The following ARMC2 variants were observed in gnomAD, a reference collection of about 807,000 sequenced individuals.
ARMC2 encodes the protein armadillo repeat containing 2, also known as armadillo repeat-containing protein 2.
In ARMC2, 67 loss-of-function variants were observed where a neutral mutation model predicts 90.3. The observed-to-expected ratio is 0.74, with a 90% CI of 0.61 to 0.91. The LOEUF is 0.91. ARMC2 is among the 40% of genes least tolerant of loss of function. The pLI is 0.00. For synonymous variants in ARMC2, 393 were observed against 393.0 expected (o/e 1.00, Z 0.00); for missense variants, 920 against 1,030.9 (o/e 0.89, Z 1.47).
intron 11 of ARMC2, among the ~76,000 whole-genome samples, chr6:108,933,382 G>A (rs1462878661): frequency 6.6e-6 from 1 of 152,032 alleles, no homozygotes; most frequent in Non-Finnish European, 1.5e-5. Flanking sequence ...TGTTGTTGGT[G>A]TATAGGAATG....
At chr6:108,966,256 A>G (rs11754955) in intron 17 of ARMC2, among the ~76,000 whole-genome samples, 16,127 of 151,622 alleles carry the variant, frequency 0.11, 967 homozygotes, top group Middle Eastern at 0.19. Context: ...TAACCAGAGC[A>G]GAGGCTCCCA....
At chr6:108,987,753 A>AC in the ARMC2 span, 1 of 496,808 alleles carries the variant, frequency 2.0e-6, no homozygotes, top group East Asian at 3.2e-5. Context: ...GTACAGCATA[A>AC]CTTAGCCTTG....
intron 5 of ARMC2, among the ~76,000 whole-genome samples, chr6:108,893,877 G>A (rs999876226): frequency 6.6e-6 from 1 of 152,172 alleles, no homozygotes; most frequent in African/African-American, 2.4e-5. Flanking sequence ...AATTATCCGG[G>A]CATGGTGGCA....
intron 4 of ARMC2, among the ~76,000 whole-genome samples, chr6:108,869,324 A>G (rs776764587): frequency 6.6e-6 from 1 of 152,194 alleles, no homozygotes; most frequent in Non-Finnish European, 1.5e-5. Flanking sequence ...CCTGGCCAAC[A>G]TGGTAAAACC....
At chr6:108,986,033 A>C in the ARMC2 span, among the ~76,000 whole-genome samples, 369 of 152,280 alleles carry the variant, frequency 2.4e-3, 1 homozygote, top group African/African-American at 8.5e-3. Flanking sequence ...GTAGGCAGGC[A>C]CTAGATTGAG....
At chr6:108,915,359 C>T (rs1025351401) in intron 10 of ARMC2, among the ~76,000 whole-genome samples, 13 of 151,934 alleles carry the variant, frequency 8.6e-5, no homozygotes, top group Admixed American at 3.9e-4. Flanking sequence ...GAGAACATGA[C>T]GAGGGCCAAA....
the ARMC2 span, among the ~76,000 whole-genome samples, chr6:109,038,911 A>AAGG: frequency 0.081 from 12,097 of 149,830 alleles, 1,217 homozygotes; most frequent in African/African-American, 0.24. Context: ...AGAAAAAAGG[A>AAGG]AGGAGGAGGA....
intron 17 of ARMC2, among the ~76,000 whole-genome samples, chr6:108,966,225 C>T (rs1778358778): frequency 1.3e-5 from 2 of 151,152 alleles, no homozygotes; most frequent in East Asian, 2.0e-4. Context: ...TAACAGACAC[C>T]TTTCCTTTAC....
the ARMC2 span, among the ~76,000 whole-genome samples, chr6:109,023,968 A>C: frequency 2.9e-4 from 44 of 152,290 alleles, no homozygotes; most frequent in Non-Finnish European, 4.0e-4. Context: ...AATGAAATTC[A>C]ATGATCACAC....
chr6:108,874,102 C>T (rs558534024), intron 4 of ARMC2, among the ~76,000 whole-genome samples: 8 of 152,314 alleles, frequency 5.3e-5, no homozygotes, highest in Non-Finnish European at 1.2e-4. Flanking sequence ...ATATAATGTG[C>T]TGCAACTGTC....
chr6:108,911,559 T>C (rs1356970958), intron 9 of ARMC2, among the ~76,000 whole-genome samples: 4 of 152,144 alleles, frequency 2.6e-5, no homozygotes. Context: ...ATACAAAGTA[T>C]TTTCCATGCA....
Position 108,953,264 on chromosome 6 carries a change from G to A in ARMC2, c.1828G>A (p.Val610Met). The A allele has an allele frequency of 1.2e-6, 2 of 1,613,308 alleles. No individual in the cohort carries two copies. The highest frequency in any genetic ancestry group is 1.3e-5 in the African/African-American group (1 of 75,074). Residue 610 changes from valine (V) to methionine (M), a missense_variant, in exon 13 of 18, where the codon GTG becomes ATG. Val to Met is a conservative substitution (Grantham distance 21). Coordinates refer to ENST00000392644, the MANE Select transcript of ARMC2 (RefSeq NM_032131.6). ...AEDVLIKLTR[V>M]LANIAIHPGV... ...GGACGTGCTCATCAAGCTGACTCGT[G>A]TGCTGGCCAACATTGCCATCCACCC...
chr6:108,984,233 G>A, the ARMC2 span, among the ~76,000 whole-genome samples: 1 of 152,208 alleles, frequency 6.6e-6, no homozygotes, highest in African/African-American at 2.4e-5. Context: ...GTTGGGGACT[G>A]CTGCTTTAGT....
intron 12 of ARMC2, among the ~76,000 whole-genome samples, chr6:108,951,626 T>G (rs1343926281): frequency 6.6e-6 from 1 of 152,216 alleles, no homozygotes; most frequent in Non-Finnish European, 1.5e-5. Flanking sequence ...CAAGTTGGTA[T>G]TGGCAGAGAA....
the ARMC2 span, chr6:109,000,732 T>C: frequency 7.8e-7 from 1 of 1,286,970 alleles, no homozygotes; most frequent in Non-Finnish European, 1.0e-6. Flanking sequence ...ACATATCCTT[T>C]TTATTTACAA....
At chr6:109,001,560 T>G in the ARMC2 span, 11 of 1,264,616 alleles carry the variant, frequency 8.7e-6, no homozygotes, top group Non-Finnish European at 1.2e-5. Context: ...ATACATGCGC[T>G]ACACTCTAAG....
intron 5 of ARMC2, among the ~76,000 whole-genome samples, chr6:108,892,469 T>C (rs557115482): frequency 2.0e-5 from 3 of 150,192 alleles, no homozygotes; most frequent in Non-Finnish European, 4.4e-5. Context: ...AAAAAAAAAA[T>C]GGGGTGGCTG....
At chr6:109,012,030 G>T in the ARMC2 span, among the ~76,000 whole-genome samples, 7 of 152,106 alleles carry the variant, frequency 4.6e-5, no homozygotes, top group African/African-American at 1.4e-4. Context: ...CAAGGATTTC[G>T]AAGGTAGGCC....
rs915444610 is a variant in ARMC2, at chr6:108,894,924, G to A, written c.748+381G>A. 1.5e-4 allele frequency among the ~76,000 whole-genome samples: 23 copies of A among 150,682 alleles called. 1 individual carries two copies. The highest frequency in any genetic ancestry group is 5.1e-4 in the African/African-American group (21 of 41,212). On this transcript the variant is annotated intron_variant, in intron 6 of 17. Coordinates refer to ENST00000392644, the MANE Select transcript of ARMC2 (RefSeq NM_032131.6). ...TGGGACTACAGGCGCCCGCCACCAC[G>A]CCTGGCTAATTTTTTGTATTTTTAG...
Sources: allele counts gnomAD v4.1 joint callset (sites outside exome capture counted in the v4.1 genomes callset), GRCh38; gene constraint gnomAD v4.1.1; transcripts MANE v1.5; gene names NCBI Gene and HGNC (gene_info 2026-07-23, HGNC 2026-07-21).